ABLIM1: variants seen among roughly 807,000 people sequenced by gnomAD.
ABLIM1 encodes actin-binding LIM protein 1.
A neutral mutation model predicts 107.0 loss-of-function variants in ABLIM1; 40 were observed. The ratio of observed to expected loss-of-function variants is 0.37; its 90% CI spans 0.29 to 0.49. The LOEUF is 0.49. Ranked by LOEUF, ABLIM1 falls within the 20% of genes least tolerant of loss-of-function variation. ABLIM1 has a pLI of 0.97. For synonymous variants in ABLIM1, 357 were observed against 357.3 expected (o/e 1.00, Z 0.01); for missense variants, 857 against 1,008.5 (o/e 0.85, Z 2.04).
At chr10:114,751,361 G>A (rs186783054) in intron 1 of ABLIM1, among the ~76,000 whole-genome samples, 5 of 151,760 alleles carry the variant, frequency 3.3e-5, no homozygotes, top group East Asian at 3.9e-4. Flanking sequence ...AAGTCTCATC[G>A]GCCAATGCTT....
chr10:114,738,757 T>C lies in ABLIM1; in HGVS notation c.-213+29304A>G, dbSNP rs1405148858. On this transcript the variant is annotated intron_variant, in intron 1 of 15. Coordinates refer to the ABLIM1 transcript ENST00000651092. ...ATTCATAAACTCCTTGTTGGATCTA[T>C]AACAGATGGAAACTGAGGCACGATA... Among the ~76,000 whole-genome samples, 8 of 150,442 alleles carry C rather than the reference T, an allele frequency of 5.3e-5. No individual in the cohort carries two copies. The East Asian group carries it at 1.4e-3, about 26-fold the overall frequency.
intron 1 of ABLIM1, among the ~76,000 whole-genome samples, chr10:114,607,489 G>C (rs894439211): frequency 5.9e-5 from 9 of 152,058 alleles, no homozygotes; most frequent in African/African-American, 2.2e-4. Flanking sequence ...TGGATAGGAA[G>C]AAAAAAATGA....
intron 22 of ABLIM1, among the ~76,000 whole-genome samples, chr10:114,436,586 G>A (rs2059429880): frequency 6.6e-6 from 1 of 152,192 alleles, no homozygotes; most frequent in South Asian, 2.1e-4. Flanking sequence ...AGCTGGCAGA[G>A]TATTAATGGG....
chr10:114,645,818 C>T (rs1232957978), intron 1 of ABLIM1, among the ~76,000 whole-genome samples: 2 of 152,074 alleles, frequency 1.3e-5, no homozygotes, highest in African/African-American at 4.8e-5. Context: ...AAATATGCCC[C>T]CAAAATGTCC....
At chr10:114,536,728 C>T (rs10885574) in intron 6 of ABLIM1, among the ~76,000 whole-genome samples, 61,922 of 152,044 alleles carry the variant, frequency 0.41, 13,818 homozygotes, top group Non-Finnish European at 0.51. Context: ...TGACAATACA[C>T]AAGGTGACCA....
At chr10:114,436,402 G>C in intron 22 of ABLIM1, 29 bp from the exon 23 acceptor site, 1 of 1,511,810 alleles carries the variant, frequency 6.6e-7, no homozygotes, top group Non-Finnish European at 9.1e-7. Flanking sequence ...AAAAAGAGCT[G>C]CTGTCAGTCC....
chr10:114,660,768 T>C (rs1697076973), upstream of ABLIM1, among the ~76,000 whole-genome samples: 1 of 152,190 alleles, frequency 6.6e-6, no homozygotes, highest in African/African-American at 2.4e-5. Flanking sequence ...TGTGTTTATA[T>C]AGAGGAACAT....
Position 114,721,385 on chromosome 10 carries a change from C to T in ABLIM1, c.-213+46676G>A, listed in dbSNP as rs551632894. ...TTGAGCATGTATGTCTAAGGAGGTG[C>T]CCAGGTGATCGCTCCCTGCTGTTCC... On this transcript the variant is annotated intron_variant, in intron 1 of 15. Coordinates refer to the ABLIM1 transcript ENST00000651092. Among the ~76,000 whole-genome samples, 99 of 152,234 alleles carry T rather than the reference C, an allele frequency of 6.5e-4. 3 individuals are homozygous for T. The South Asian group carries it at 0.02, about 30-fold the overall frequency.
At chr10:114,572,331 G>A (rs139739211) in intron 3 of ABLIM1, among the ~76,000 whole-genome samples, 101 of 152,322 alleles carry the variant, frequency 6.6e-4, no homozygotes, top group African/African-American at 2.2e-3. Flanking sequence ...CCAGCTTTTT[G>A]ACATTCATTT....
chr10:114,455,216 G>T (rs914942081), intron 12 of ABLIM1, among the ~76,000 whole-genome samples: 1 of 152,204 alleles, frequency 6.6e-6, no homozygotes, highest in Admixed American at 6.5e-5. Flanking sequence ...TATGGGATCT[G>T]TGTCTATTAC....
chr10:114,652,148 C>T (rs895023057), intron 1 of ABLIM1, among the ~76,000 whole-genome samples: 1 of 152,146 alleles, frequency 6.6e-6, no homozygotes, highest in African/African-American at 2.4e-5. Context: ...AAACCTTTTC[C>T]CTGACACAGA....
At chr10:114,683,634 G>GA (rs1265254132) in intron 1 of ABLIM1, among the ~76,000 whole-genome samples, 2 of 152,074 alleles carry the variant, frequency 1.3e-5, no homozygotes, top group African/African-American at 2.4e-5. Context: ...AATTACCCAC[G>GA]AGTCTACTCT....
Position 114,436,373 on chromosome 10 carries a change from G to A in ABLIM1, c.2224C>T (p.Arg742Cys), listed in dbSNP as rs749704369. 19 of 1,601,770 alleles carry A rather than the reference G, an allele frequency of 1.2e-5. No individual in the cohort carries two copies. The highest frequency in any genetic ancestry group is 1.2e-5 in the Non-Finnish European group (14 of 1,175,714). Residue 742 changes from arginine to cysteine, a missense_variant and splice_region_variant, in exon 23 of 23, where the codon CGC becomes TGC. Around this residue, in one of 5 missense-constraint regions of ABLIM1, gnomAD observed 193 missense variants for 208.5 expected, o/e 0.93. Transcript: ENST00000533213. ...CGAAACACTTCAGGGGCTAAGTGGC[G>A]CTGGGAAGAAGAAAAAAAAAAAAGA... ...LREVDRTRLERHLAPEVFREI... is the reference protein window; with the variant it reads ...LREVDRTRLECHLAPEVFREI...
chr10:114,507,547 G>T (rs17091968), intron 6 of ABLIM1, among the ~76,000 whole-genome samples: 1 of 152,046 alleles, frequency 6.6e-6, no homozygotes, highest in Non-Finnish European at 1.5e-5. Context: ...GCCCCAAGTC[G>T]TCTGGATTCT....
chr10:114,535,204 C>A (rs2065865109), intron 6 of ABLIM1, among the ~76,000 whole-genome samples: 13 of 152,208 alleles, frequency 8.5e-5, no homozygotes, highest in Admixed American at 8.5e-4. Context: ...TTTACATTCA[C>A]TAAGCTACAC....
intron 1 of ABLIM1, among the ~76,000 whole-genome samples, chr10:114,646,863 T>C (rs926724743): frequency 3.9e-5 from 6 of 152,348 alleles, no homozygotes; most frequent in Non-Finnish European, 8.8e-5. Flanking sequence ...CCACGATCTA[T>C]GTGAAATCAA....
chr10:114,561,757 T>C (rs2069737378), intron 4 of ABLIM1, among the ~76,000 whole-genome samples: 1 of 152,230 alleles, frequency 6.6e-6, no homozygotes, highest in African/African-American at 2.4e-5. Context: ...CTTTATCACA[T>C]AAGACATATA....
At chr10:114,549,570 T>A (rs1221752280) in intron 4 of ABLIM1, among the ~76,000 whole-genome samples, 1 of 152,082 alleles carries the variant, frequency 6.6e-6, no homozygotes, top group East Asian at 1.9e-4. Context: ...TCTTGGACAG[T>A]GGGTGTTCAC....
At chr10:114,509,535 G>A (rs115484855) in intron 6 of ABLIM1, among the ~76,000 whole-genome samples, 3,877 of 152,142 alleles carry the variant, frequency 0.025, 144 homozygotes, top group African/African-American at 0.084. Flanking sequence ...CCAAAGATGT[G>A]CATTCTGAAC....
Sources: allele counts gnomAD v4.1 joint callset (sites outside exome capture counted in the v4.1 genomes callset), GRCh38; gene constraint gnomAD v4.1.1; regional missense constraint gnomAD v4.1.1; transcripts MANE v1.5; gene names NCBI Gene and HGNC (gene_info 2026-07-23, HGNC 2026-07-21).